The following QRICH2 variants were observed in gnomAD, a reference collection of about 807,000 sequenced individuals.
QRICH2 encodes the protein glutamine rich 2.
A neutral mutation model predicts 168.3 loss-of-function variants in QRICH2; 119 were observed. The observed-to-expected ratio is 0.71, with a 90% CI of 0.61 to 0.82. QRICH2 has a LOEUF of 0.82. Among genes scored for constraint, QRICH2 ranks in the 40% least tolerant of loss-of-function variants. The pLI, the probability that QRICH2 is intolerant of heterozygous loss-of-function variation, is 0.00. For synonymous variants in QRICH2, 894 were observed against 951.2 expected (o/e 0.94, Z 1.11); for missense variants, 2,241 against 2,491.6 (o/e 0.90, Z 2.14).
At position 76,291,267 on chromosome 17, in the gene QRICH2, G is replaced by T. The variant is rs759080632; in HGVS notation, c.3460C>A (p.Leu1154Ile). 2.5e-6 allele frequency: 4 copies of T among 1,614,106 alleles called. No homozygotes were observed. In the African/African-American group the frequency reaches 4.0e-5, roughly 16 times the overall value. ...AQKAPGQDVT[L>I]FRSPDSVDRV... ...TCGACGGAGTCTGGACTCCTGAAAA[G>T]AGTGACATCTTGGCCTGGGGCCTTC... The change falls in exon 4 of 19, where the codon CTT becomes ATT. Residue 1154 changes from leucine to isoleucine, a missense_variant. Physicochemically the swap from Leu to Ile is conservative, Grantham distance 5. Transcript: ENST00000680821.
intron 12 of QRICH2, among the ~76,000 whole-genome samples, chr17:76,279,811 G>A (rs906758778): frequency 1.3e-5 from 2 of 152,204 alleles, no homozygotes; most frequent in Admixed American, 1.3e-4. Flanking sequence ...CAAACCCTGA[G>A]AGCCTTAAGC....
chr17:76,296,381 G>C (rs2070793186), intron 3 of QRICH2, among the ~76,000 whole-genome samples: 1 of 152,226 alleles, frequency 6.6e-6, no homozygotes, highest in Admixed American at 6.5e-5. Flanking sequence ...CCAGACTGCA[G>C]TGCAGGGAGG....
In QRICH2 at chr17:76,293,305, A is replaced by T; in HGVS notation, c.1422T>A (p.Gly474=). 6.2e-7 allele frequency: 1 copy of T among 1,614,070 alleles called. No individual in the cohort carries two copies. Among genetic ancestry groups the T allele is most frequent in the Non-Finnish European group, 8.5e-7 (1 of 1,180,026 alleles). ...GLVSVSAYQH[G]MTFPGTDQRS... is the part of the protein sequence containing the mutation. ...GTTGGTCTGTGCCAGGAAATGTCAT[A>T]CCATGCTGATATGCACTGACTGAAA... Residue 474 remains glycine, a synonymous_variant, in exon 4 of 19, where the codon GGT becomes GGA. Coordinates refer to ENST00000680821, the MANE Select transcript of QRICH2 (RefSeq NM_001388453.1).
In QRICH2 at chr17:76,287,783, T is replaced by C. The variant is rs200915429; in HGVS notation, c.3896+17A>G. The C allele has an allele frequency of 5.0e-6, 8 of 1,586,716 alleles. No homozygotes were observed. Among genetic ancestry groups the C allele is most frequent in the Non-Finnish European group, 6.1e-6 (7 of 1,155,190 alleles). The stretch of plus-strand genomic sequence containing the variant: ...GTGATGCCAGGGGACCAGCTGCTCT[T>C]AGCTGGGGCATTTTACCTGAGGACA... On this transcript the variant is annotated intron_variant, in intron 6 of 18. Coordinates refer to ENST00000680821, the MANE Select transcript of QRICH2 (RefSeq NM_001388453.1).
At chr17:76,304,775 A>C in intron 2 of QRICH2, 107 bp downstream of exon 2, 1 of 860,112 alleles carries the variant, frequency 1.2e-6, no homozygotes, top group African/African-American at 1.7e-5. Flanking sequence ...TGAGAGGCAG[A>C]GGGCACACAC....
In QRICH2 at chr17:76,280,939, C is replaced by T. The variant is rs1473922814; in HGVS notation, c.4278G>A (p.Leu1426=). 3 of 1,611,002 alleles carry T rather than the reference C, an allele frequency of 1.9e-6. No homozygotes were observed. Among genetic ancestry groups the T allele is most frequent in the South Asian group, 1.1e-5 (1 of 91,074 alleles). Residue 1426 remains leucine, a synonymous_variant, in exon 9 of 19, where the codon CTG becomes CTA. Transcript: ENST00000680821. The surrounding 1 kb of genome is among the most constrained non-coding windows in gnomAD (Gnocchi z 7.4). The part of the protein sequence containing the change: ...AKLQRQDEEL[L]GRVQSAILQV... ...GCAGGATGGCACTCTGCACACGGCC[C>T]AGCAGCTCCTCGTCCTGCGGCAGGA...
At position 76,283,874 on chromosome 17, in the gene QRICH2, C is replaced by CAA. The variant is rs34741886; in HGVS notation, c.4012-1761_4012-1760dup. On this transcript the variant is annotated intron_variant, in intron 7 of 18. Transcript: ENST00000680821. ...GGGCAACAAGAGCGAAACTCTGTCT[C>CAA]AAAAAAAAAAGCGGGGTGCAGTGGC... Among the ~76,000 whole-genome samples, 1,003 of 125,102 alleles carry CAA rather than the reference C, an allele frequency of 8.0e-3. 169 individuals are homozygous for CAA. The highest frequency in any genetic ancestry group is 0.036 in the African/African-American group (859 of 24,040). 82.1% of individuals were successfully genotyped at this position (125,102 alleles called of 152,430 possible). A position where few individuals can be genotyped will look rare whatever the true frequency, so the allele number is the denominator to read the frequency against.
chr17:76,293,689 C>T lies in QRICH2; in HGVS notation c.1038G>A (p.Glu346=). ...KSDSDRHRSR[E]KLTSTQPRRN... Reference sequence around the variant, plus strand: ...TTCTTGGTTGTGTCGAGGTAAGCTTCTCTCTACTCCTGTGACGATCTGAGT... The same window carrying T: ...TTCTTGGTTGTGTCGAGGTAAGCTTTTCTCTACTCCTGTGACGATCTGAGT... Residue 346 remains glutamate, a synonymous_variant, in exon 4 of 19, where the codon GAG becomes GAA. Coordinates refer to ENST00000680821, the MANE Select transcript of QRICH2 (RefSeq NM_001388453.1). The T allele has an allele frequency of 6.2e-7, 1 of 1,614,178 alleles. No homozygotes were observed. The highest frequency in any genetic ancestry group is 8.5e-7 in the Non-Finnish European group (1 of 1,180,036).
At position 76,280,500 on chromosome 17, in the gene QRICH2, G is replaced by A. The variant is rs1421436734; in HGVS notation, c.4462-49C>T. On this transcript the variant is annotated intron_variant, in intron 10 of 18. Coordinates refer to ENST00000680821, the MANE Select transcript of QRICH2 (RefSeq NM_001388453.1). This position sits in a 1 kb window ranked among gnomAD's most constrained non-coding sequence, Gnocchi z 7.4. Reference sequence around the variant, plus strand: ...CCCGCATCTGGGAGATGGCCATGGAGGGGCCCCATTCCCTGGGGGTGTCGA... The same window carrying A: ...CCCGCATCTGGGAGATGGCCATGGAAGGGCCCCATTCCCTGGGGGTGTCGA... The A allele has an allele frequency of 3.1e-6, 5 of 1,605,440 alleles. No homozygotes were observed. The highest frequency in any genetic ancestry group is 2.2e-5 in the East Asian group (1 of 44,854).
At position 76,285,125 on chromosome 17, in the gene QRICH2, CTGTTGT is replaced by C. The variant is rs112068809; in HGVS notation, c.4011+2061_4011+2066del. ...GTGCACCACCACACCCAGCTATTTT[CTGTTGT>C]TGTTGTTGTTGTTGTTTTTGAGATG... On this transcript the variant is annotated intron_variant, in intron 7 of 18. Coordinates refer to ENST00000680821, the MANE Select transcript of QRICH2 (RefSeq NM_001388453.1). Among the ~76,000 whole-genome samples, 3 of 147,856 alleles carry C rather than the reference CTGTTGT, an allele frequency of 2.0e-5. 1 individual carries two copies. The highest frequency in any genetic ancestry group is 4.2e-4 in the East Asian group (2 of 4,800).
intron 7 of QRICH2, among the ~76,000 whole-genome samples, chr17:76,285,558 G>A (rs1002608777): frequency 2.6e-5 from 4 of 151,096 alleles, no homozygotes; most frequent in African/African-American, 7.3e-5. Flanking sequence ...GTGAGTCACC[G>A]CAGCCGGCCC....
chr17:76,299,289 T>C (rs372540207), intron 3 of QRICH2, among the ~76,000 whole-genome samples: 127 of 152,242 alleles, frequency 8.3e-4, no homozygotes, highest in African/African-American at 2.8e-3. Context: ...TTTGAAAATG[T>C]AGACGGAAGC....
chr17:76,306,185 A>T (rs1381355310), intron 1 of QRICH2, among the ~76,000 whole-genome samples: 2 of 151,256 alleles, frequency 1.3e-5, no homozygotes, highest in Non-Finnish European at 2.9e-5. Context: ...AAAAAAAAAA[A>T]AAAAAAAACC....
At chr17:76,301,471 G>T in intron 3 of QRICH2, 1 of 235,464 alleles carries the variant, frequency 4.2e-6, no homozygotes, top group South Asian at 3.8e-5. Flanking sequence ...GGGAGGCTGA[G>T]GCAGGAGGAT....
chr17:76,285,440 G>T (rs1203993538), intron 7 of QRICH2, among the ~76,000 whole-genome samples: 2 of 151,450 alleles, frequency 1.3e-5, no homozygotes, highest in Admixed American at 1.3e-4. Flanking sequence ...CCTATTTTCT[G>T]TATTTTTAGT....
At position 76,308,088 on chromosome 17, in the gene QRICH2, C is replaced by A; in HGVS notation, c.-90G>T. On this transcript the variant is annotated 5_prime_UTR_variant, in exon 1 of 19. Transcript: ENST00000680821. ...CCGCGCCTTGGGGCCTTTCGGGGGC[C>A]CTGCGAGGTCCTCGGGGCGCCCCTG... 2 of 1,225,498 alleles carry A rather than the reference C, an allele frequency of 1.6e-6. No individual in the cohort carries two copies. Among genetic ancestry groups the A allele is most frequent in the Non-Finnish European group, 2.0e-6 (2 of 984,592 alleles). 75.9% of individuals were successfully genotyped at this position (1,225,498 alleles called of 1,614,324 possible).
chr17:76,288,022 G>A, intron 5 of QRICH2, 125 bp from the exon 6 acceptor site: 1 of 704,180 alleles, frequency 1.4e-6, no homozygotes, highest in Admixed American at 2.2e-5. Context: ...TCCGACAAAA[G>A]CCAGGAGCCC....
Position 76,307,342 on chromosome 17 carries a change from C to T in QRICH2, c.534+123G>A, listed in dbSNP as rs1047217238. 2.4e-5 allele frequency: 24 copies of T among 1,001,310 alleles called. No homozygotes were observed. Among genetic ancestry groups the T allele is most frequent in the Non-Finnish European group, 3.2e-5 (21 of 661,278 alleles). 62.0% of individuals were successfully genotyped at this position (1,001,310 alleles called of 1,614,324 possible). On this transcript the variant is annotated intron_variant, in intron 1 of 18. Transcript: ENST00000680821. This position sits in a 1 kb window ranked among gnomAD's most constrained non-coding sequence, Gnocchi z 5.3. Reference sequence around the variant, plus strand: ...GTCGCACTGAGGTCTGGCACCTCCTCGGTCCCCATCCCCTCCGTCCCCACC... The same window carrying T: ...GTCGCACTGAGGTCTGGCACCTCCTTGGTCCCCATCCCCTCCGTCCCCACC...
chr17:76,310,729 C>CA (rs2071062076), upstream of QRICH2: 3 of 151,896 alleles, frequency 2.0e-5, no homozygotes, highest in South Asian at 6.2e-4. Context: ...CTCAGCCTCC[C>CA]AAAGTACTCA....
Sources: allele counts gnomAD v4.1 joint callset (sites outside exome capture counted in the v4.1 genomes callset), GRCh38; gene constraint gnomAD v4.1.1; non-coding constraint Gnocchi (gnomAD v3.1); transcripts MANE v1.5; gene names NCBI Gene and HGNC (gene_info 2026-07-23, HGNC 2026-07-21).